Variants in BARD1 observed in about 807,000 individuals in gnomAD.
BARD1 encodes the protein BRCA1 associated RING domain 1.
In BARD1, 73 loss-of-function variants were observed where a neutral mutation model predicts 77.0. The observed-to-expected ratio is 0.95, with a 90% CI of 0.79 to 1.15. BARD1 has a LOEUF of 1.15. Among genes scored for constraint, BARD1 ranks in the 50% most tolerant of loss-of-function variants. The pLI is 0.00. For synonymous variants in BARD1, 384 were observed against 338.0 expected, an observed-to-expected ratio of 1.14 and a Z score of -1.49; for missense variants, 993 against 938.8, an observed-to-expected ratio of 1.06 and a Z score of -0.75.
At chr2:214,807,455 A>G (rs1696326392) in intron 1 of BARD1, among the ~76,000 whole-genome samples, 1 of 152,250 alleles carries the variant, frequency 6.6e-6, no homozygotes, top group African/African-American at 2.4e-5. Context: ...CAAATCATGT[A>G]GCAAGCAAAC....
intron 3 of BARD1, among the ~76,000 whole-genome samples, chr2:214,785,522 A>T (rs971381404): frequency 5.3e-5 from 8 of 152,032 alleles, no homozygotes; most frequent in African/African-American, 1.7e-4. Context: ...ATCTTTCCAA[A>T]TGTTTACGTA....
chr2:214,745,168 CA>C lies in BARD1; in HGVS notation c.1811-10del. 8 of 1,608,958 alleles carry C rather than the reference CA, an allele frequency of 5.0e-6. No individual in the cohort carries two copies. The highest frequency in any genetic ancestry group is 1.3e-5 in the African/African-American group (1 of 74,860). ...AACAACAACATGAGTTACTAAAATA[CA>C]AAAAAAGCAGTAAGAGAAAGAAAGA... On this transcript the variant is annotated splice_polypyrimidine_tract_variant and intron_variant, in intron 8 of 10. Transcript: ENST00000260947.
rs973058934 is a variant in BARD1 at position 214,809,678 on chromosome 2, G to A, written c.-109C>T. The A allele has an allele frequency of 1.2e-5, 17 of 1,432,730 alleles. No individual in the cohort carries two copies. In the East Asian group the frequency reaches 4.1e-4, roughly 34 times the overall value. The allele number at this position is 1,432,730 out of a possible 1,614,324, so 88.8% of individuals were successfully genotyped here. Reference sequence around the variant, plus strand: ...ACTCGAAACCGGCCAAGCTCTTCCCGCGTCTGGGACGGCGGGCCGCCAGAG... The same window carrying A: ...ACTCGAAACCGGCCAAGCTCTTCCCACGTCTGGGACGGCGGGCCGCCAGAG... On this transcript the variant is annotated 5_prime_UTR_variant, in exon 1 of 11. Transcript: ENST00000260947.
intron 9 of BARD1, among the ~76,000 whole-genome samples, chr2:214,732,272 TA>T (rs1355747609): frequency 6.6e-6 from 1 of 152,216 alleles, no homozygotes; most frequent in Non-Finnish European, 1.5e-5. Context: ...CTTTCTTGAC[TA>T]AAGGGTGGCT....
intron 6 of BARD1, among the ~76,000 whole-genome samples, chr2:214,766,236 T>C (rs7559392): frequency 0.46 from 70,159 of 151,966 alleles, 16,454 homozygotes; most frequent in African/African-American, 0.53. Flanking sequence ...TGCATCTCTG[T>C]GTCCTGACAC....
At chr2:214,732,449 G>T (rs189106255) in intron 9 of BARD1, among the ~76,000 whole-genome samples, 3 of 150,520 alleles carry the variant, frequency 2.0e-5, no homozygotes, top group African/African-American at 7.4e-5. Flanking sequence ...AGGTTGGGGC[G>T]CAGTGGCGCA....
chr2:214,730,440 G>A lies in BARD1; in HGVS notation c.1972C>T (p.Arg658Cys), dbSNP rs3738888. The A allele has an allele frequency of 8.5e-3, 13,795 of 1,613,728 alleles. 69 individuals carry two copies. Among genetic ancestry groups the A allele is most frequent in the East Asian group, 0.01 (460 of 44,830 alleles). Residue 658 changes from arginine (R) to cysteine (C), a missense_variant, in exon 10 of 11, where the codon CGC becomes TGC. Arg to Cys is a radical substitution (Grantham distance 180). Transcript: ENST00000260947. Reference protein sequence around the residue: ...EEKYEIPEGPRRSRLNREQLL... With the variant: ...EEKYEIPEGPCRSRLNREQLL... ...TGTTCTCTGTTGAGCCTGCTTCTGC[G>A]TGGACCTTCAGGAATTTCATACTTT...
intron 6 of BARD1, among the ~76,000 whole-genome samples, chr2:214,754,372 T>G (rs1031189788): frequency 6.6e-6 from 1 of 151,128 alleles, no homozygotes; most frequent in African/African-American, 2.4e-5. Flanking sequence ...AAAAAATCCA[T>G]GCATACACTA....
intron 5 of BARD1, among the ~76,000 whole-genome samples, chr2:214,768,336 A>T (rs1348365237): frequency 2.0e-5 from 3 of 152,244 alleles, no homozygotes; most frequent in Non-Finnish European, 4.4e-5. Context: ...ATCACACTCA[A>T]CATCTGTAGG....
chr2:214,729,650 C>G (rs555378109), intron 10 of BARD1, among the ~76,000 whole-genome samples: 4 of 152,292 alleles, frequency 2.6e-5, no homozygotes, highest in African/African-American at 9.6e-5. Context: ...AACTATTCAT[C>G]AAACTTTTTT....
At chr2:214,762,799 T>A (rs375894207) in intron 6 of BARD1, among the ~76,000 whole-genome samples, 1 of 152,172 alleles carries the variant, frequency 6.6e-6, no homozygotes, top group Admixed American at 6.5e-5. Context: ...CAAAACATCC[T>A]AATATGGTAT....
At chr2:214,751,117 G>GTGTGTATA (rs1486423673) in intron 7 of BARD1, among the ~76,000 whole-genome samples, 13 of 16,276 alleles carry the variant, frequency 8.0e-4, no homozygotes, top group Admixed American at 1.0e-3. Context: ...GTGTGTGTGT[G>GTGTGTATA]TATATATATA....
At chr2:214,762,810 T>G (rs1248166487) in intron 6 of BARD1, among the ~76,000 whole-genome samples, 2 of 152,188 alleles carry the variant, frequency 1.3e-5, no homozygotes, top group Non-Finnish European at 2.9e-5. Context: ...AATATGGTAT[T>G]TTTGAAACAG....
chr2:214,769,430 G>T, intron 4 of BARD1, 118 bp from the exon 5 acceptor site: 1 of 827,530 alleles, frequency 1.2e-6, no homozygotes. Flanking sequence ...TTTCTCTTAA[G>T]GCTACTGTTC....
At chr2:214,775,982 C>T (rs924280269) in intron 4 of BARD1, among the ~76,000 whole-genome samples, 23 of 152,176 alleles carry the variant, frequency 1.5e-4, no homozygotes, top group African/African-American at 5.1e-4. Context: ...CAAAGTTAAA[C>T]TCTAAATGAG....
At chr2:214,740,536 T>C (rs1344560310) in intron 9 of BARD1, among the ~76,000 whole-genome samples, 1 of 152,080 alleles carries the variant, frequency 6.6e-6, no homozygotes, top group African/African-American at 2.4e-5. Flanking sequence ...CATGCATGCA[T>C]ACATTTATAT....
intron 4 of BARD1, among the ~76,000 whole-genome samples, chr2:214,771,369 T>A (rs1295921304): frequency 6.6e-6 from 1 of 152,174 alleles, no homozygotes; most frequent in Non-Finnish European, 1.5e-5. Flanking sequence ...TTTTTTCCTC[T>A]GTTGGTTTGA....
chr2:214,778,007 C>T (rs1051653138), intron 4 of BARD1, among the ~76,000 whole-genome samples: 20 of 152,178 alleles, frequency 1.3e-4, no homozygotes, highest in African/African-American at 4.8e-4. Flanking sequence ...ACCAGCCTGG[C>T]CAACATGGTG....
intron 2 of BARD1, among the ~76,000 whole-genome samples, chr2:214,793,519 T>C (rs1260062931): frequency 6.6e-6 from 1 of 152,180 alleles, no homozygotes; most frequent in Non-Finnish European, 1.5e-5. Context: ...CAAAAAAATA[T>C]GTAAAACTGA....
Sources: gnomAD v4.1 joint callset for allele counts (sites outside exome capture counted in the v4.1 genomes callset) on GRCh38, gnomAD v4.1.1 for gene constraint, MANE v1.5 for transcripts, NCBI Gene and HGNC (gene_info 2026-07-23, HGNC 2026-07-21) for gene names.